ZNF550: variants seen among roughly 807,000 people sequenced by gnomAD.
ZNF550 encodes zinc finger protein 550.
In ZNF550, 42 loss-of-function variants were observed where a neutral mutation model predicts 40.2. That is an observed-to-expected ratio of 1.05 (90% CI 0.82 to 1.35). The LOEUF (loss-of-function observed/expected upper bound fraction) is 1.35. ZNF550 is among the 40% of genes most tolerant of loss of function. The probability of loss-of-function intolerance (pLI) is 0.00; values close to 1 mark genes in which losing one functional copy is unlikely to be tolerated. For synonymous variants in ZNF550, 223 were observed against 198.6 expected (o/e 1.12, Z -1.03); for missense variants, 549 against 525.2 (o/e 1.05, Z -0.44).
chr19:57,545,046 C>A (rs570307534), intron 4 of ZNF550, among the ~76,000 whole-genome samples: 2 of 152,120 alleles, frequency 1.3e-5, no homozygotes, highest in African/African-American at 4.8e-5. Flanking sequence ...CGCTTGAACC[C>A]GGGAGGCAGA....
intron 1 of ZNF550, 150 bp from the exon 2 acceptor site, chr19:57,556,507 G>T: frequency 2.1e-6 from 2 of 945,458 alleles, no homozygotes; most frequent in Non-Finnish European, 3.2e-6. Context: ...GGCTCAAAGG[G>T]GAGGCAGATA....
chr19:57,547,378 C>T, exon 4 of ZNF550: 1 of 1,612,116 alleles, frequency 6.2e-7, no homozygotes, highest in Non-Finnish European at 8.5e-7. Flanking sequence ...ACATTGACTA[C>T]ACTCATAGGG....
intron 4 of ZNF550, chr19:57,544,610 T>G: frequency 1.0e-6 from 1 of 985,276 alleles, no homozygotes; most frequent in South Asian, 4.7e-5. Context: ...AGAGAACTCT[T>G]AACTCACCAA....
exon 3 of ZNF550, chr19:57,552,684 C>T (rs975009307): frequency 6.3e-7 from 1 of 1,598,454 alleles, no homozygotes; most frequent in East Asian, 2.2e-5. Context: ...TGCCCATGCT[C>T]TAGCAGGTGG....
At chr19:57,555,426 C>T (rs2090111100) in intron 2 of ZNF550, 1 of 152,538 alleles carries the variant, frequency 6.6e-6, no homozygotes, top group Admixed American at 6.5e-5. Flanking sequence ...GCAACCTCCG[C>T]CTCCCAGGTT....
chr19:57,543,119 T>A, exon 5 of ZNF550: 1 of 445,760 alleles, frequency 2.2e-6, no homozygotes, highest in Non-Finnish European at 3.0e-6. Context: ...TTAGGATTTC[T>A]CTTCCAAATC....
chr19:57,542,712 C>T (rs2089971964), exon 5 of ZNF550: 2 of 152,196 alleles, frequency 1.3e-5, no homozygotes, highest in Admixed American at 6.5e-5. Context: ...CTTACTAGAA[C>T]ATATGTTCCA....
exon 4 of ZNF550, chr19:57,546,583 T>C (rs866469465): frequency 4.0e-6 from 4 of 1,003,612 alleles, no homozygotes; most frequent in Non-Finnish European, 2.4e-6. Flanking sequence ...ATAACAATTA[T>C]GTAGTAACTT....
At chr19:57,547,348 C>G in exon 4 of ZNF550, 1 of 1,613,290 alleles carries the variant, frequency 6.2e-7, no homozygotes, top group Non-Finnish European at 8.5e-7. Context: ...AAAAGTAGAC[C>G]GGTGGGTGAA....
At chr19:57,543,212 T>C in exon 5 of ZNF550, 1 of 958,260 alleles carries the variant, frequency 1.0e-6, no homozygotes, top group Non-Finnish European at 1.2e-6. Context: ...AGCAATTTCT[T>C]AAATTTCTCT....
chr19:57,548,192 G>C (rs991206113), intron 3 of ZNF550, among the ~76,000 whole-genome samples, 199 bp from the exon 4 acceptor site: 2 of 152,168 alleles, frequency 1.3e-5, no homozygotes, highest in Admixed American at 6.5e-5. Context: ...AATCTGGAGG[G>C]CAGGCTGGAC....
chr19:57,551,733 A>C (rs1048952698), intron 3 of ZNF550, among the ~76,000 whole-genome samples: 2 of 152,212 alleles, frequency 1.3e-5, no homozygotes, highest in Admixed American at 1.3e-4. Context: ...CTGGCCAAGA[A>C]GCCCAAGGGG....
intron 4 of ZNF550, chr19:57,544,203 G>C: frequency 2.0e-6 from 2 of 985,442 alleles, no homozygotes; most frequent in Non-Finnish European, 2.4e-6. Flanking sequence ...AGTGGCCATG[G>C]AGCTAAATGA....
rs760625496 is a variant in ZNF550, at chr19:57,547,026, CT to C, written c.1217del (p.Lys406ArgfsTer25). 1 of 1,613,614 alleles carries C rather than the reference CT, an allele frequency of 6.2e-7. No homozygotes were observed. The highest frequency in any genetic ancestry group is 8.5e-7 in the Non-Finnish European group (1 of 1,179,596). On this transcript the variant is annotated frameshift_variant, in exon 4 of 5. Transcript: ENST00000457177. LOFTEE classifies it high-confidence loss of function. ...GAAGGTGTGACCTGCGTTTGAAGGC[CT>C]TCCCACACTCGATACACTTGTAGGG... is the stretch of plus-strand genomic sequence containing the variant.
intron 2 of ZNF550, 108 bp downstream of exon 2, chr19:57,556,123 G>T: frequency 7.0e-7 from 1 of 1,424,826 alleles, no homozygotes; most frequent in Non-Finnish European, 9.9e-7. Context: ...AGGAAGAGGT[G>T]GGAACAGAAA....
At chr19:57,557,897 C>T (rs1436061813) in intron 1 of ZNF550, among the ~76,000 whole-genome samples, 1 of 152,230 alleles carries the variant, frequency 6.6e-6, no homozygotes, top group Non-Finnish European at 1.5e-5. Flanking sequence ...CAGCAGGCAG[C>T]TCTAAGAACT....
chr19:57,556,015 A>T, intron 2 of ZNF550: 1 of 531,112 alleles, frequency 1.9e-6, no homozygotes, highest in Non-Finnish European at 3.3e-6. Context: ...AATCTTGATT[A>T]AGGACCTCAG....
chr19:57,545,114 TC>T (rs1184037642), intron 4 of ZNF550, among the ~76,000 whole-genome samples: 3 of 152,156 alleles, frequency 2.0e-5, no homozygotes, highest in African/African-American at 7.2e-5. Context: ...GGAGTGAGAC[TC>T]CATCTCAAAA....
intron 3 of ZNF550, 69 bp from the exon 4 acceptor site, chr19:57,548,062 C>T (rs2090040469): frequency 7.3e-7 from 1 of 1,378,814 alleles, no homozygotes; most frequent in African/African-American, 1.4e-5. Context: ...AAAATAACCA[C>T]TTCAGTAGGA....
Sources: gnomAD v4.1 joint callset for allele counts (sites outside exome capture counted in the v4.1 genomes callset) on GRCh38, gnomAD v4.1.1 for gene constraint, MANE v1.5 for transcripts, NCBI Gene and HGNC (gene_info 2026-07-23, HGNC 2026-07-21) for gene names.